Variants in SLC6A13 observed in about 807,000 individuals in gnomAD.
SLC6A13 encodes the protein sodium- and chloride-dependent GABA transporter 2.
A neutral mutation model predicts 72.9 loss-of-function variants in SLC6A13; 69 were observed. The ratio of observed to expected loss-of-function variants is 0.95; its 90% CI spans 0.78 to 1.16. The LOEUF (loss-of-function observed/expected upper bound fraction) is 1.16, where lower values mean the gene tolerates loss of function less well. SLC6A13 is among the 50% of genes most tolerant of loss of function. The pLI, the probability that SLC6A13 is intolerant of heterozygous loss-of-function variation, is 0.00. For missense variants in SLC6A13, 735 were observed against 760.5 expected, an observed-to-expected ratio of 0.97 and a Z score of 0.39; for synonymous variants, 303 against 303.0, an observed-to-expected ratio of 1.00 and a Z score of 0.00.
rs753692670 is a variant in SLC6A13, at chr12:235,155, G to A, written c.766C>T (p.Pro256Ser). The A allele has an allele frequency of 2.5e-6, 4 of 1,614,222 alleles. No homozygotes were observed. In the East Asian group the frequency reaches 8.9e-5, roughly 36 times the overall value. Residue 256 changes from proline (P) to serine (S), a missense_variant, in exon 7 of 15, where the codon CCT becomes TCT. Transcript: ENST00000343164. ...AACTGAATTCCTTGGGCTGCCCCAG[G>A]CAACGTCACCCCTCGAATTAACAGG... ...VVLLIRGVTLPGAAQGIQFYL... is the reference protein window; with the variant it reads ...VVLLIRGVTLSGAAQGIQFYL...
chr12:261,037 GA>G (rs1942910333), intron 1 of SLC6A13, among the ~76,000 whole-genome samples: 1 of 152,174 alleles, frequency 6.6e-6, no homozygotes, highest in East Asian at 1.9e-4. Context: ...GTAAGGCAGA[GA>G]TTTACTATGC....
chr12:222,480 A>G, intron 13 of SLC6A13, 52 bp downstream of exon 13: 1 of 1,187,664 alleles, frequency 8.4e-7, no homozygotes, highest in Non-Finnish European at 1.2e-6. Context: ...TACCCCTGCT[A>G]GCCACCGTCT....
intron 3 of SLC6A13, among the ~76,000 whole-genome samples, chr12:243,306 C>T (rs1460092480): frequency 2.6e-5 from 4 of 152,322 alleles, no homozygotes; most frequent in Middle Eastern, 3.4e-3. Context: ...TGGGCCACCA[C>T]GCCCGGCCAA....
chr12:261,904 CAACAAAGCGAGACTCTGTCTCAAA>C, intron 1 of SLC6A13, among the ~76,000 whole-genome samples: 1 of 148,086 alleles, frequency 6.8e-6, no homozygotes, highest in East Asian at 2.0e-4. Context: ...CCAGTCTGGG[CAACAAAGCGAGACTCTGTCTCAAA>C]AAAAAGAAAA....
At chr12:244,761 A>G (rs1229739806) in intron 2 of SLC6A13, among the ~76,000 whole-genome samples, 4 of 152,028 alleles carry the variant, frequency 2.6e-5, no homozygotes, top group Non-Finnish European at 5.9e-5. Flanking sequence ...GCCTTCTGCC[A>G]TGGGCTGACA....
chr12:230,297 A>G (rs976902174), intron 7 of SLC6A13, among the ~76,000 whole-genome samples: 1 of 152,200 alleles, frequency 6.6e-6, no homozygotes, highest in Non-Finnish European at 1.5e-5. Flanking sequence ...GGGACTCTAG[A>G]AGATCTGGGA....
intron 14 of SLC6A13, 32 bp from the exon 15 acceptor site, chr12:221,102 G>A (rs913931250): frequency 1.9e-6 from 3 of 1,560,528 alleles, no homozygotes; most frequent in Non-Finnish European, 1.7e-6. Context: ...CTGTCAGGTG[G>A]TGGAGCGGGG....
chr12:254,454 T>C lies in SLC6A13; in HGVS notation c.202+5397A>G, dbSNP rs1942668066. 6.6e-6 allele frequency among the ~76,000 whole-genome samples: 1 copy of C among 152,234 alleles called. No homozygotes were observed. Among genetic ancestry groups the C allele is most frequent in the Non-Finnish European group, 1.5e-5 (1 of 68,038 alleles). ...TGTAACCGCTCTTATCATCAATGAC[T>C]TCCCAGCTGCTAAAACCAACAATCA... On this transcript the variant is annotated intron_variant, in intron 2 of 14. Transcript: ENST00000343164. This position sits in a 1 kb window ranked among gnomAD's most constrained non-coding sequence, Gnocchi z 4.4.
chr12:259,825 G>C, intron 2 of SLC6A13, 26 bp downstream of exon 2: 4 of 1,614,168 alleles, frequency 2.5e-6, no homozygotes, highest in Non-Finnish European at 3.4e-6. Flanking sequence ...GGAGTGGGTG[G>C]GGTGGCACAA....
At position 237,232 on chromosome 12, in the gene SLC6A13, G is replaced by C. The variant is rs746681927; in HGVS notation, c.622C>G (p.Leu208Val). Residue 208 changes from leucine (L) to valine (V), a missense_variant, in exon 6 of 15, where the codon CTG becomes GTG. Physicochemically the swap from Leu to Val is conservative, Grantham distance 32 (BLOSUM62 1). Coordinates refer to ENST00000343164, the MANE Select transcript of SLC6A13 (RefSeq NM_016615.5). ...IQHLGALRWE[L>V]ALCLLLAWVI... ...CAGGCCAGCAGGAGGCACAGAGCCA[G>C]CTCCCAGCGCAGGGCCCCCAGGTGC... 7 of 1,614,008 alleles carry C rather than the reference G, an allele frequency of 4.3e-6. No homozygotes were observed. Among genetic ancestry groups the C allele is most frequent in the African/African-American group, 1.3e-5 (1 of 75,018 alleles).
rs745901727 is a variant in SLC6A13 at position 242,654 on chromosome 12, G to A, written c.438C>T (p.Ile146=). 26 of 1,613,596 alleles carry A rather than the reference G, an allele frequency of 1.6e-5. No homozygotes were observed. The highest frequency in any genetic ancestry group is 5.0e-5 in the Admixed American group (3 of 59,956). ...GGTAGCAGCCGCCCCAGGGCAGGTC[G>A]ATGGTGAAGCTGCTGAAGAGGTAGA... is the stretch of plus-strand genomic sequence containing the variant. ...ALFYLFSSFT[I]DLPWGGCYHE... Residue 146 remains isoleucine (I), a synonymous_variant, in exon 4 of 15, where the codon ATC becomes ATT. Transcript: ENST00000343164.
chr12:226,545 T>C (rs758393529), intron 8 of SLC6A13, 31 bp from the exon 9 acceptor site: 2 of 1,608,410 alleles, frequency 1.2e-6, no homozygotes, highest in African/African-American at 2.7e-5. Context: ...GAGGGCGGAA[T>C]GGCAGGGTCA....
intron 6 of SLC6A13, 24 bp downstream of exon 6, chr12:237,134 G>C (rs1941962984): frequency 1.2e-6 from 2 of 1,612,642 alleles, no homozygotes; most frequent in Non-Finnish European, 8.5e-7. Flanking sequence ...GGGAATGGGA[G>C]GGGCAGGAGC....
At chr12:239,217 C>CGTGGGGTGTGTTGG (rs1942066640) in intron 4 of SLC6A13, among the ~76,000 whole-genome samples, 6 of 102,118 alleles carry the variant, frequency 5.9e-5, no homozygotes, top group Admixed American at 3.8e-4. Context: ...TCCCTGCACA[C>CGTGGGGTGTGTTGG]ATGGGTTGTG....
intron 6 of SLC6A13, among the ~76,000 whole-genome samples, chr12:236,550 C>G (rs752489377): frequency 9.2e-5 from 14 of 152,244 alleles, no homozygotes; most frequent in Non-Finnish European, 1.8e-4. Context: ...TCCCCTGACA[C>G]ATATTCAATA....
rs368185304 is a variant in SLC6A13, at chr12:259,942, G to T, written c.111C>A (p.Asn37Lys). 31 of 1,614,064 alleles carry T rather than the reference G, an allele frequency of 1.9e-5. No individual in the cohort carries two copies. The African/African-American group carries it at 4.1e-4, about 22-fold the overall frequency. Residue 37 changes from asparagine to lysine, a missense_variant, in exon 2 of 15, where the codon AAC (asparagine) becomes AAA (lysine). Physicochemically the swap from Asn to Lys is moderately conservative, Grantham distance 94 (BLOSUM62 0). Coordinates refer to ENST00000343164, the MANE Select transcript of SLC6A13 (RefSeq NM_016615.5). ...CCACTGACAGCACAAACTCCATCTT[G>T]TTGTTCCAGTGCCCCCGCTCCAGGG... is the stretch of plus-strand genomic sequence containing the variant. ...DGTLERGHWN[N>K]KMEFVLSVAG...
chr12:222,424 T>C, intron 13 of SLC6A13, 108 bp downstream of exon 13: 1 of 600,036 alleles, frequency 1.7e-6, no homozygotes, highest in Non-Finnish European at 2.9e-6. Context: ...TCTAAGATGA[T>C]TTTCAGTTCC....
intron 2 of SLC6A13, among the ~76,000 whole-genome samples, chr12:253,064 G>T (rs1187515785): frequency 1.3e-5 from 2 of 152,206 alleles, no homozygotes; most frequent in South Asian, 2.1e-4. Context: ...CTGGGGATGG[G>T]GGGTGGAGTT....
At chr12:242,909 G>A in intron 3 of SLC6A13, 155 bp from the exon 4 acceptor site, 1 of 509,604 alleles carries the variant, frequency 2.0e-6, no homozygotes, top group Admixed American at 3.6e-5. Flanking sequence ...AACTCCCTGT[G>A]GATCTATAAT....
Sources: gnomAD v4.1 joint callset for allele counts (sites outside exome capture counted in the v4.1 genomes callset) on GRCh38, gnomAD v4.1.1 for gene constraint, Gnocchi (gnomAD v3.1) non-coding constraint, MANE v1.5 for transcripts, NCBI Gene and HGNC (gene_info 2026-07-23, HGNC 2026-07-21) for gene names.